Variants in GLDC observed in about 807,000 individuals in gnomAD.
GLDC encodes the protein glycine dehydrogenase (decarboxylating), mitochondrial.
Under a neutral mutation model 121.3 loss-of-function variants are expected in GLDC, and 104 were observed. The observed-to-expected ratio is 0.86, with a 90% CI of 0.73 to 1.01. The LOEUF is 1.01. Among genes scored for constraint, GLDC ranks in the 50% least tolerant of loss-of-function variants. The pLI is 0.00. For synonymous variants in GLDC, 546 were observed against 480.6 expected, an observed-to-expected ratio of 1.14 and a Z score of -1.78; for missense variants, 1,429 against 1,306.6, an observed-to-expected ratio of 1.09 and a Z score of -1.44.
At chr9:6,618,378 G>A (rs1323291052) in intron 3 of GLDC, among the ~76,000 whole-genome samples, 1 of 152,096 alleles carries the variant, frequency 6.6e-6, no homozygotes, top group Non-Finnish European at 1.5e-5. Context: ...TGCGATCTTG[G>A]CTCACCACAA....
At chr9:6,558,412 G>A in intron 17 of GLDC, 147 bp downstream of exon 17, 4 of 877,634 alleles carry the variant, frequency 4.6e-6, no homozygotes, top group Admixed American at 1.8e-5. Context: ...GGTGATGGGA[G>A]GGGTAGAGTA....
intron 2 of GLDC, 99 bp downstream of exon 2, chr9:6,644,515 C>A: frequency 2.5e-6 from 2 of 813,280 alleles, no homozygotes; most frequent in Admixed American, 1.8e-5. Flanking sequence ...CATTCCCAGT[C>A]CTGAGCAATC....
intron 4 of GLDC, among the ~76,000 whole-genome samples, chr9:6,606,996 G>A (rs1015051771): frequency 2.0e-5 from 3 of 152,050 alleles, no homozygotes; most frequent in Admixed American, 6.6e-5. Context: ...CAGGGAGGCC[G>A]AGGTTGCAGT....
rs146630650 is a variant in GLDC, at chr9:6,609,637, C to G, written c.635+555G>C. ...ACACCCTCACCCCCACCCCCAGCCA[C>G]ATCTATCCAAAGTCCACTCCTAATT... On this transcript the variant is annotated intron_variant, in intron 4 of 24. Transcript: ENST00000321612. Among the ~76,000 whole-genome samples, 128 of 152,024 alleles carry G rather than the reference C, an allele frequency of 8.4e-4. 1 individual carries two copies. The highest frequency in any genetic ancestry group is 3.0e-3 in the African/African-American group (125 of 41,470).
intron 8 of GLDC, among the ~76,000 whole-genome samples, chr9:6,596,505 C>T (rs1818496827): frequency 6.6e-6 from 1 of 152,066 alleles, no homozygotes; most frequent in African/African-American, 2.4e-5. Flanking sequence ...CTTTGGGAGG[C>T]TAAGGTGGGA....
intron 2 of GLDC, among the ~76,000 whole-genome samples, chr9:6,623,724 A>G (rs1485503214): frequency 1.3e-5 from 2 of 152,252 alleles, no homozygotes. Flanking sequence ...TACCTTATGG[A>G]AGATGATCTT....
At chr9:6,552,059 A>C (rs563352558) in intron 20 of GLDC, among the ~76,000 whole-genome samples, 1 of 152,332 alleles carries the variant, frequency 6.6e-6, no homozygotes, top group Admixed American at 6.5e-5. Context: ...GTAAAGCAAC[A>C]GGAAGCCACG....
rs538307462 is a variant in GLDC at position 6,558,003 on chromosome 9, C to T, written c.2052+556G>A. The T allele has an allele frequency of 3.9e-5, 8 of 203,142 alleles. No homozygotes were observed. The South Asian group carries it at 8.1e-4, about 21-fold the overall frequency. 12.6% of individuals were successfully genotyped at this position (203,142 alleles called of 1,614,324 possible). A position where few individuals can be genotyped will look rare whatever the true frequency, so the allele number is the denominator to read the frequency against. On this transcript the variant is annotated intron_variant, in intron 17 of 24. Transcript: ENST00000321612. Reference sequence around the variant, plus strand: ...TGCCTAATAACACCACCATCAAAATCACATTGCTATTCCACTGGTTTCCTT... The same window carrying T: ...TGCCTAATAACACCACCATCAAAATTACATTGCTATTCCACTGGTTTCCTT...
chr9:6,577,201 A>G (rs1818081891), intron 15 of GLDC, among the ~76,000 whole-genome samples: 1 of 152,242 alleles, frequency 6.6e-6, no homozygotes, highest in Non-Finnish European at 1.5e-5. Flanking sequence ...CAGGCCTGAA[A>G]GTTACATTTC....
At chr9:6,639,668 A>AAAAAAAAAATATATATAT in intron 2 of GLDC, 11 of 250,596 alleles carry the variant, frequency 4.4e-5, no homozygotes, top group Non-Finnish European at 6.4e-5. Flanking sequence ...ATAAAAAAAA[A>AAAAAAAAAATATATATAT]GTATATATAT....
chr9:6,597,148 T>A (rs977391892), intron 8 of GLDC, among the ~76,000 whole-genome samples: 13 of 152,164 alleles, frequency 8.5e-5, no homozygotes, highest in African/African-American at 2.9e-4. Context: ...CCCATTTATA[T>A]GAAATATTCA....
chr9:6,578,690 C>T (rs1035205277), intron 15 of GLDC, among the ~76,000 whole-genome samples: 1 of 152,078 alleles, frequency 6.6e-6, no homozygotes, highest in Non-Finnish European at 1.5e-5. Context: ...CAGGTGCTTG[C>T]CACCATGCTA....
intron 4 of GLDC, among the ~76,000 whole-genome samples, chr9:6,609,793 C>A (rs1818812741): frequency 2.0e-5 from 3 of 152,166 alleles, no homozygotes; most frequent in Admixed American, 6.5e-5. Context: ...CCCTGAACAA[C>A]CCTGCTGGCC....
At chr9:6,538,776 A>G (rs755976711) in intron 22 of GLDC, among the ~76,000 whole-genome samples, 5 of 152,234 alleles carry the variant, frequency 3.3e-5, no homozygotes, top group South Asian at 4.1e-4. Flanking sequence ...CAAGGCATCC[A>G]CAAAGTGAGT....
At chr9:6,611,957 C>T (rs1818865265) in intron 3 of GLDC, among the ~76,000 whole-genome samples, 1 of 152,096 alleles carries the variant, frequency 6.6e-6, no homozygotes, top group Admixed American at 6.6e-5. Flanking sequence ...GGTGTCAAGC[C>T]ATGTGTGTAG....
chr9:6,577,164 A>G (rs1441853278), intron 15 of GLDC, among the ~76,000 whole-genome samples: 1 of 152,290 alleles, frequency 6.6e-6, no homozygotes, highest in Admixed American at 6.5e-5. Flanking sequence ...CAGAGCCAGC[A>G]GCGCCACACG....
At chr9:6,621,469 C>G (rs999095360) in intron 2 of GLDC, among the ~76,000 whole-genome samples, 1 of 152,144 alleles carries the variant, frequency 6.6e-6, no homozygotes, top group African/African-American at 2.4e-5. Context: ...CACTTTAACT[C>G]ACTGGACTAA....
chr9:6,567,279 T>A (rs1817872986), intron 15 of GLDC: 1 of 152,236 alleles, frequency 6.6e-6, no homozygotes, highest in Non-Finnish European at 1.5e-5. Context: ...TCTGTTTTCC[T>A]GGCTTCTGAA....
chr9:6,616,471 A>G (rs1453013063), intron 3 of GLDC, among the ~76,000 whole-genome samples: 3 of 152,228 alleles, frequency 2.0e-5, no homozygotes, highest in Non-Finnish European at 2.9e-5. Context: ...CACTACTGAA[A>G]TTAAACAGGT....
Sources: gnomAD v4.1 joint callset for allele counts (sites outside exome capture counted in the v4.1 genomes callset) on GRCh38, gnomAD v4.1.1 for gene constraint, MANE v1.5 for transcripts, NCBI Gene and HGNC (gene_info 2026-07-23, HGNC 2026-07-21) for gene names.